Variants in CFAP299 observed in about 807,000 individuals in gnomAD.
CFAP299 encodes the protein cilia- and flagella-associated protein 299.
In CFAP299, 21 loss-of-function variants were observed where a neutral mutation model predicts 27.0. That is an observed-to-expected ratio of 0.78 (90% CI 0.55 to 1.12). CFAP299 has a LOEUF of 1.12. CFAP299 is among the 50% of genes most tolerant of loss of function. CFAP299 has a pLI of 0.00. For missense variants in CFAP299, 310 were observed against 276.6 expected, an observed-to-expected ratio of 1.12 and a Z score of -0.86; for synonymous variants, 104 against 98.1, an observed-to-expected ratio of 1.06 and a Z score of -0.36.
intron 3 of CFAP299, among the ~76,000 whole-genome samples, chr4:80,814,689 T>G (rs1318123416): frequency 6.6e-6 from 1 of 151,784 alleles, no homozygotes; most frequent in East Asian, 1.9e-4. Flanking sequence ...GCTATTAATT[T>G]AAAATAAAGG....
At chr4:80,610,198 T>A (rs1391015362) in intron 3 of CFAP299, among the ~76,000 whole-genome samples, 3 of 148,310 alleles carry the variant, frequency 2.0e-5, no homozygotes, top group Non-Finnish European at 4.5e-5. Flanking sequence ...TGATAAATGC[T>A]CTAAAAAAAA....
intron 2 of CFAP299, among the ~76,000 whole-genome samples, chr4:80,504,931 TA>T (rs1446544627): frequency 6.7e-6 from 1 of 148,490 alleles, no homozygotes; most frequent in Non-Finnish European, 1.5e-5. Flanking sequence ...ATAAATGATA[TA>T]AATTGTAAAA....
chr4:80,775,286 T>C (rs930291427), intron 3 of CFAP299, among the ~76,000 whole-genome samples: 3 of 151,966 alleles, frequency 2.0e-5, no homozygotes, highest in East Asian at 3.8e-4. Flanking sequence ...TATTGTAACA[T>C]AATCGCAATA....
At chr4:80,912,494 G>A (rs1225335003) in intron 4 of CFAP299, among the ~76,000 whole-genome samples, 1 of 152,154 alleles carries the variant, frequency 6.6e-6, no homozygotes, top group African/African-American at 2.4e-5. Flanking sequence ...GCCCTTGGAG[G>A]ACATAGGCTT....
At chr4:80,805,012 G>T (rs1017479880) in intron 3 of CFAP299, among the ~76,000 whole-genome samples, 2 of 151,790 alleles carry the variant, frequency 1.3e-5, no homozygotes, top group African/African-American at 4.8e-5. Flanking sequence ...TTTCCTTTGG[G>T]ATTTCCTTTT....
chr4:80,660,750 A>C (rs921765824), intron 3 of CFAP299, among the ~76,000 whole-genome samples: 1 of 152,158 alleles, frequency 6.6e-6, no homozygotes, highest in Admixed American at 6.6e-5. Flanking sequence ...AATTTTGAAC[A>C]TGAGTTTTAA....
At chr4:80,847,133 G>A (rs1731228665) in intron 3 of CFAP299, among the ~76,000 whole-genome samples, 1 of 152,102 alleles carries the variant, frequency 6.6e-6, no homozygotes, top group African/African-American at 2.4e-5. Flanking sequence ...CCAGATGCTT[G>A]GGTACAGATC....
intron 3 of CFAP299, among the ~76,000 whole-genome samples, chr4:80,817,545 A>C (rs894275485): frequency 3.9e-5 from 6 of 151,988 alleles, no homozygotes; most frequent in African/African-American, 1.4e-4. Context: ...TGCTAACTAG[A>C]TATTCATTTA....
At chr4:80,383,910 A>G (rs1724838499) in intron 2 of CFAP299, among the ~76,000 whole-genome samples, 1 of 152,060 alleles carries the variant, frequency 6.6e-6, no homozygotes, top group South Asian at 2.1e-4. Flanking sequence ...TTTCAGAATT[A>G]ATATTGTTCT....
In CFAP299 at chr4:80,929,792, A is replaced by G. The variant is rs148809879; in HGVS notation, c.477-15018A>G. The stretch of plus-strand genomic sequence containing the variant: ...ACCCTCAGATGCCCTTATTACCTGC[A>G]GAATAAAGTTCATATTGTTTGATGT... On this transcript the variant is annotated intron_variant, in intron 4 of 5. Coordinates refer to ENST00000358105, the MANE Select transcript of CFAP299 (RefSeq NM_152770.3). Among the ~76,000 whole-genome samples the G allele has an allele frequency of 1.5e-4, 23 of 152,294 alleles. 1 individual carries two copies. Among genetic ancestry groups the G allele is most frequent in the African/African-American group, 5.5e-4 (23 of 41,562 alleles).
intron 2 of CFAP299, among the ~76,000 whole-genome samples, chr4:80,427,031 C>T (rs548911705): frequency 1.3e-5 from 2 of 152,098 alleles, no homozygotes; most frequent in South Asian, 2.1e-4. Flanking sequence ...TTAAAGCAAT[C>T]GTTCTTATCA....
At chr4:80,943,833 C>A (rs1043152421) in intron 4 of CFAP299, among the ~76,000 whole-genome samples, 1 of 151,998 alleles carries the variant, frequency 6.6e-6, no homozygotes, top group Non-Finnish European at 1.5e-5. Flanking sequence ...CTTTGGGAGG[C>A]CAAGGTGGGC....
chr4:80,859,097 T>C (rs1316222927), intron 3 of CFAP299, among the ~76,000 whole-genome samples: 1 of 152,208 alleles, frequency 6.6e-6, no homozygotes, highest in African/African-American at 2.4e-5. Context: ...GGTGCTCCTG[T>C]ATTGGGTGCA....
intron 3 of CFAP299, among the ~76,000 whole-genome samples, chr4:80,717,750 T>C (rs1401112312): frequency 2.0e-4 from 30 of 152,172 alleles, no homozygotes; most frequent in Admixed American, 2.0e-3. Context: ...GACATTTTTA[T>C]CACCATTTTG....
intron 3 of CFAP299, among the ~76,000 whole-genome samples, chr4:80,662,946 C>T (rs1740938747): frequency 6.6e-6 from 1 of 151,502 alleles, no homozygotes; most frequent in East Asian, 1.9e-4. Context: ...TGCTACTTAT[C>T]ATTGAAAAGG....
At chr4:80,386,373 C>T in intron 2 of CFAP299, 2 of 1,501,292 alleles carry the variant, frequency 1.3e-6, no homozygotes, top group Admixed American at 1.9e-5. Flanking sequence ...GGGCGGCTTG[C>T]CCGGGACGGC....
intron 2 of CFAP299, among the ~76,000 whole-genome samples, chr4:80,534,640 G>C (rs1733639772): frequency 6.6e-6 from 1 of 151,976 alleles, no homozygotes; most frequent in Non-Finnish European, 1.5e-5. Context: ...TATGTTTAAA[G>C]TATAAAGACA....
intron 2 of CFAP299, among the ~76,000 whole-genome samples, chr4:80,477,654 C>T (rs1246909098): frequency 6.6e-6 from 1 of 152,114 alleles, no homozygotes; most frequent in Admixed American, 6.5e-5. Flanking sequence ...CCATAATTCT[C>T]CCCTTAGTTC....
rs180793719 is a variant in CFAP299, at chr4:80,792,395, T to C, written c.334-77598T>C. On this transcript the variant is annotated intron_variant, in intron 3 of 5. Coordinates refer to ENST00000358105, the MANE Select transcript of CFAP299 (RefSeq NM_152770.3). ...GATTAAACTCCTAAACTGTAAGTAA[T>C]AGACTAGACATGAGTACAAAAACAT... Among the ~76,000 whole-genome samples, 273 of 152,162 alleles carry C rather than the reference T, an allele frequency of 1.8e-3. 2 individuals carry two copies. Among genetic ancestry groups the C allele is most frequent in the African/African-American group, 6.0e-3 (248 of 41,522 alleles).
Sources: allele counts gnomAD v4.1 joint callset (sites outside exome capture counted in the v4.1 genomes callset), GRCh38; gene constraint gnomAD v4.1.1; transcripts MANE v1.5; gene names NCBI Gene and HGNC (gene_info 2026-07-23, HGNC 2026-07-21).